SPEM3: variants seen among roughly 807,000 people sequenced by gnomAD.
SPEM3 encodes the protein SPEM family member 3.
rs142791746 is a variant in SPEM3 at position 7,431,648 on chromosome 17, A to T, written c.2477A>T (p.Gln826Leu). The change falls in exon 3 of 3, where the codon CAA becomes CTA. Residue 826 changes from glutamine (Q) to leucine (L), a missense_variant. Physicochemically the swap from Gln to Leu is moderately radical, Grantham distance 113. Transcript: ENST00000636696. ...TVIYKNQDLS[Q>L]ATDHQKNLGS... Reference sequence around the variant, plus strand: ...ATCTACAAAAATCAAGATCTCTCCCAAGCAACTGACCACCAAAAGAACCTA... The same window carrying T: ...ATCTACAAAAATCAAGATCTCTCCCTAGCAACTGACCACCAAAAGAACCTA... 1 of 398,594 alleles carries T rather than the reference A, an allele frequency of 2.5e-6. No individual in the cohort carries two copies. Among genetic ancestry groups the T allele is most frequent in the Non-Finnish European group, 4.4e-6 (1 of 226,050 alleles). The allele number at this position is 398,594 out of a possible 1,614,324, so 24.7% of individuals were successfully genotyped here.
Position 7,429,738 on chromosome 17 carries a change from GC to G in SPEM3, c.571del (p.Gln191LysfsTer174). 1 of 399,308 alleles carries G rather than the reference GC, an allele frequency of 2.5e-6. No individual in the cohort carries two copies. The highest frequency in any genetic ancestry group is 4.4e-6 in the Non-Finnish European group (1 of 226,646). The allele number at this position is 399,308 out of a possible 1,614,324, so 24.7% of individuals were successfully genotyped here. ...AGTTGGACACGGGTCCATGCCACCTGCCCCAAGAGAGCAAGACTAAGACCCC... is the reference window on the plus strand; with the variant it reads ...AGTTGGACACGGGTCCATGCCACCTGCCCAAGAGAGCAAGACTAAGACCCC... ...SKLDTGPCHL[P>X]QESKTKTPDC... On this transcript the variant is annotated frameshift_variant, in exon 3 of 3. Coordinates refer to ENST00000636696, the MANE Select transcript of SPEM3 (RefSeq NM_001364708.1). LOFTEE classifies it low-confidence loss of function (END_TRUNC). The surrounding 1 kb of genome is among the most constrained non-coding windows in gnomAD (Gnocchi z 4.9).
Position 7,431,620 on chromosome 17 carries a change from G to GT in SPEM3, c.2450dup (p.Ile818AspfsTer12), listed in dbSNP as rs1907835309. ...GAATCTTGAACCAAACCAAGAGACT[G>GT]TGATCTACAAAAATCAAGATCTCTC... On this transcript the variant is annotated frameshift_variant, in exon 3 of 3. Coordinates refer to ENST00000636696, the MANE Select transcript of SPEM3 (RefSeq NM_001364708.1). LOFTEE classifies it low-confidence loss of function (END_TRUNC). The GT allele has an allele frequency of 2.5e-6, 1 of 398,554 alleles. No homozygotes were observed. The highest frequency in any genetic ancestry group is 4.4e-6 in the Non-Finnish European group (1 of 226,072). 24.7% of individuals were successfully genotyped at this position (398,554 alleles called of 1,614,324 possible).
Position 7,430,521 on chromosome 17 carries a change from C to T in SPEM3, c.1350C>T (p.Val450=). ...FSHDLSTGHV[V]YDARREKQNF... is the part of the protein sequence containing the mutation. ...ATGACCTCTCCACTGGCCATGTGGTCTATGATGCCCGCAGGGAAAAGCAGA... is the reference window on the plus strand; with the variant it reads ...ATGACCTCTCCACTGGCCATGTGGTTTATGATGCCCGCAGGGAAAAGCAGA... Residue 450 remains valine, a synonymous_variant, in exon 3 of 3, where the codon GTC becomes GTT. Transcript: ENST00000636696. 1 of 399,030 alleles carries T rather than the reference C, an allele frequency of 2.5e-6. No homozygotes were observed. The allele number at this position is 399,030 out of a possible 1,614,324, so 24.7% of individuals were successfully genotyped here. A position where few individuals can be genotyped will look rare whatever the true frequency, so the allele number is the denominator to read the frequency against.
In SPEM3 at chr17:7,432,648, G is replaced by C. The variant is rs73233967; in HGVS notation, c.3477G>C (p.Gln1159His). ...GGCATGTGGTTTTTGATGCCCGTCAGAGACGGTTGGCAGTGGGCAAGGACA... is the reference window on the plus strand; with the variant it reads ...GGCATGTGGTTTTTGATGCCCGTCACAGACGGTTGGCAGTGGGCAAGGACA... ...QAGHVVFDAR[Q>H]RRLAVGKDKC... Residue 1159 changes from glutamine to histidine, a missense_variant, in exon 3 of 3, where the codon CAG (glutamine) becomes CAC (histidine). By Grantham distance (24) the Gln-to-His change is conservative (BLOSUM62 0). Transcript: ENST00000636696. This position sits in a 1 kb window ranked among gnomAD's most constrained non-coding sequence, Gnocchi z 4.1. 7.6e-3 allele frequency: 3,010 copies of C among 398,664 alleles called. 76 individuals are homozygous for C. The highest frequency in any genetic ancestry group is 0.056 in the African/African-American group (2,737 of 48,738). 24.7% of individuals were successfully genotyped at this position (398,664 alleles called of 1,614,324 possible). A position where few individuals can be genotyped will look rare whatever the true frequency, so the allele number is the denominator to read the frequency against.
At position 7,431,519 on chromosome 17, in the gene SPEM3, A is replaced by G. The variant is rs1011363813; in HGVS notation, c.2348A>G (p.His783Arg). 1 of 398,576 alleles carries G rather than the reference A, an allele frequency of 2.5e-6. No homozygotes were observed. The highest frequency in any genetic ancestry group is 4.4e-6 in the Non-Finnish European group (1 of 226,058). The allele number at this position is 398,576 out of a possible 1,614,324, so 24.7% of individuals were successfully genotyped here. The change falls in exon 3 of 3, where the codon CAC becomes CGC. Residue 783 changes from histidine to arginine, a missense_variant. Coordinates refer to ENST00000636696, the MANE Select transcript of SPEM3 (RefSeq NM_001364708.1). Reference protein sequence around the residue: ...SPCLTQSPGLHKKTPFTQTSD... With the variant: ...SPCLTQSPGLRKKTPFTQTSD... ...TGTCTCACCCAATCCCCTGGCCTCC[A>G]CAAGAAAACACCATTTACCCAAACT...
rs1907859904 is a variant in SPEM3, at chr17:7,432,397, A to T, written c.3226A>T (p.Asn1076Tyr). ...VLWARVQLNE[N>Y]SCPSKAQVVS... ...CTGGGCTCGTGTCCAACTCAATGAG[A>T]ACTCCTGCCCTTCCAAGGCCCAAGT... Residue 1076 changes from asparagine (N) to tyrosine (Y), a missense_variant, in exon 3 of 3, where the codon AAC becomes TAC. Transcript: ENST00000636696. This position sits in a 1 kb window ranked among gnomAD's most constrained non-coding sequence, Gnocchi z 4.1. 1 of 398,510 alleles carries T rather than the reference A, an allele frequency of 2.5e-6. No individual in the cohort carries two copies. The highest frequency in any genetic ancestry group is 4.4e-5 in the Admixed American group (1 of 22,704). The allele number at this position is 398,510 out of a possible 1,614,324, so 24.7% of individuals were successfully genotyped here. A position where few individuals can be genotyped will look rare whatever the true frequency, so the allele number is the denominator to read the frequency against.
Position 7,432,725 on chromosome 17 carries a change from CG to C in SPEM3, c.3558del (p.Lys1187AsnfsTer?). ...CTTCATCAAGAGGCACCCAGCAACT[CG>C]GGGAAACCATCAAGGAGTGGGGATA... ...RRLHQEAPSNSGKPSRSGDIR... is the reference protein window; with the variant it reads ...RRLHQEAPSNXGKPSRSGDIR... On this transcript the variant is annotated frameshift_variant, in exon 3 of 3. Transcript: ENST00000636696. LOFTEE classifies it high-confidence loss of function. The surrounding 1 kb of genome is among the most constrained non-coding windows in gnomAD (Gnocchi z 4.1). The C allele has an allele frequency of 2.5e-6, 1 of 398,606 alleles. No homozygotes were observed. Among genetic ancestry groups the C allele is most frequent in the Non-Finnish European group, 4.4e-6 (1 of 226,084 alleles). The allele number at this position is 398,606 out of a possible 1,614,324, so 24.7% of individuals were successfully genotyped here.
rs548857082 is a variant in SPEM3 at position 7,429,461 on chromosome 17, G to A, written c.290G>A (p.Arg97His). 4.5e-5 allele frequency: 18 copies of A among 398,564 alleles called. No individual in the cohort carries two copies. Among genetic ancestry groups the A allele is most frequent in the African/African-American group, 1.0e-4 (5 of 48,674 alleles). The allele number at this position is 398,564 out of a possible 1,614,324, so 24.7% of individuals were successfully genotyped here. A position where few individuals can be genotyped will look rare whatever the true frequency, so the allele number is the denominator to read the frequency against. ...AAAGTCTCTTCCCGCGTCCATCCTC[G>A]CCCAGGCTTCCTGCTCAGGCGCGTT... ...CSKVSSRVHP[R>H]PGFLLRRVNH... is the part of the protein sequence containing the mutation. The change falls in exon 3 of 3, where the codon CGC (arginine) becomes CAC (histidine). Residue 97 changes from arginine (R) to histidine (H), a missense_variant. By Grantham distance (29) the Arg-to-His change is conservative. Coordinates refer to ENST00000636696, the MANE Select transcript of SPEM3 (RefSeq NM_001364708.1). This position sits in a 1 kb window ranked among gnomAD's most constrained non-coding sequence, Gnocchi z 4.9.
chr17:7,430,623 G>T lies in SPEM3; in HGVS notation c.1452G>T (p.Glu484Asp). The T allele has an allele frequency of 2.5e-6, 1 of 398,734 alleles. No homozygotes were observed. The highest frequency in any genetic ancestry group is 4.4e-6 in the Non-Finnish European group (1 of 226,150). The allele number at this position is 398,734 out of a possible 1,614,324, so 24.7% of individuals were successfully genotyped here. A position where few individuals can be genotyped will look rare whatever the true frequency, so the allele number is the denominator to read the frequency against. Residue 484 changes from glutamate to aspartate, a missense_variant, in exon 3 of 3, where the codon GAG (glutamate) becomes GAT (aspartate). Transcript: ENST00000636696. Reference protein sequence around the residue: ...KDLATLFRPQEGQDLVSSGIS... With the variant: ...KDLATLFRPQDGQDLVSSGIS... The stretch of plus-strand genomic sequence containing the variant: ...TGGCTACCCTCTTCAGGCCCCAAGA[G>T]GGTCAGGACCTGGTGAGTTCTGGCA...
chr17:7,432,737 C>T lies in SPEM3; in HGVS notation c.3566C>T (p.Ser1189Leu), dbSNP rs898619512. 7.5e-6 allele frequency: 3 copies of T among 398,542 alleles called. No homozygotes were observed. The highest frequency in any genetic ancestry group is 6.2e-5 in the African/African-American group (3 of 48,628). The allele number at this position is 398,542 out of a possible 1,614,324, so 24.7% of individuals were successfully genotyped here. Residue 1189 changes from serine (S) to leucine (L), a missense_variant, in exon 3 of 3, where the codon TCA becomes TTA. Transcript: ENST00000636696. The surrounding 1 kb of genome is among the most constrained non-coding windows in gnomAD (Gnocchi z 4.1). ...GCACCCAGCAACTCGGGGAAACCATCAAGGAGTGGGGATATCAGAATGTGA... is the reference window on the plus strand; with the variant it reads ...GCACCCAGCAACTCGGGGAAACCATTAAGGAGTGGGGATATCAGAATGTGA... ...QEAPSNSGKP[S>L]RSGDIRM
chr17:7,431,508 C>G lies in SPEM3; in HGVS notation c.2337C>G (p.Ser779=), dbSNP rs578228291. The G allele has an allele frequency of 2.8e-5, 11 of 398,574 alleles. No individual in the cohort carries two copies. The South Asian group carries it at 1.3e-3, about 46-fold the overall frequency. 24.7% of individuals were successfully genotyped at this position (398,574 alleles called of 1,614,324 possible). A position where few individuals can be genotyped will look rare whatever the true frequency, so the allele number is the denominator to read the frequency against. ...GILRSPCLTQ[S]PGLHKKTPFT... is the part of the protein sequence containing the mutation. Reference sequence around the variant, plus strand: ...TTAGGAGCCCATGTCTCACCCAATCCCCTGGCCTCCACAAGAAAACACCAT... The same window carrying G: ...TTAGGAGCCCATGTCTCACCCAATCGCCTGGCCTCCACAAGAAAACACCAT... Residue 779 remains serine, a synonymous_variant, in exon 3 of 3, where the codon TCC becomes TCG. Transcript: ENST00000636696.
In SPEM3 at chr17:7,431,892, C is replaced by A. The variant is rs1033245623; in HGVS notation, c.2721C>A (p.Gly907=). The part of the protein sequence containing the change: ...VQTSGLPKCS[G]LTQNSGDYKN... ...CCTCTGGCCTCCCAAAGTGCTCAGG[C>A]CTTACCCAAAACTCAGGAGACTACA... Residue 907 remains glycine, a synonymous_variant, in exon 3 of 3, where the codon GGC becomes GGA. Transcript: ENST00000636696. 1.0e-5 allele frequency: 4 copies of A among 398,492 alleles called. No homozygotes were observed. In the South Asian group the frequency reaches 3.8e-4, roughly 38 times the overall value. The allele number at this position is 398,492 out of a possible 1,614,324, so 24.7% of individuals were successfully genotyped here.
At position 7,430,098 on chromosome 17, in the gene SPEM3, G is replaced by C. The variant is rs115125348; in HGVS notation, c.927G>C (p.Pro309=). The part of the protein sequence containing the change: ...HTSAQAQTHS[P]PHTPEYTHSQ... The stretch of plus-strand genomic sequence containing the variant: ...CAGCCCAGGCCCAAACCCACTCTCC[G>C]CCCCACACCCCTGAGTATACTCACT... Residue 309 remains proline, a synonymous_variant, in exon 3 of 3, where the codon CCG becomes CCC. Transcript: ENST00000636696. 2.4e-6 allele frequency: 1 copy of C among 409,548 alleles called. No homozygotes were observed. The highest frequency in any genetic ancestry group is 4.3e-6 in the Non-Finnish European group (1 of 233,652). The allele number at this position is 409,548 out of a possible 1,614,324, so 25.4% of individuals were successfully genotyped here. A position where few individuals can be genotyped will look rare whatever the true frequency, so the allele number is the denominator to read the frequency against.
chr17:7,431,025 C>CA lies in SPEM3; in HGVS notation c.1855dup (p.Thr619AsnfsTer43). 2.5e-6 allele frequency: 1 copy of CA among 398,742 alleles called. No homozygotes were observed. Among genetic ancestry groups the CA allele is most frequent in the Non-Finnish European group, 4.4e-6 (1 of 226,152 alleles). The allele number at this position is 398,742 out of a possible 1,614,324, so 24.7% of individuals were successfully genotyped here. On this transcript the variant is annotated frameshift_variant, in exon 3 of 3. Coordinates refer to ENST00000636696, the MANE Select transcript of SPEM3 (RefSeq NM_001364708.1). LOFTEE classifies it low-confidence loss of function (END_TRUNC). ...AACCCACCAACCATCAGAGGCCTTC[C>CA]ACCTTAATACAAACCCCTACTGTTC...
Position 7,432,380 on chromosome 17 carries a change from G to A in SPEM3, c.3209G>A (p.Arg1070His), listed in dbSNP as rs374657443. 3.3e-5 allele frequency: 13 copies of A among 398,702 alleles called. No individual in the cohort carries two copies. The highest frequency in any genetic ancestry group is 2.2e-5 in the Non-Finnish European group (5 of 226,086). The allele number at this position is 398,702 out of a possible 1,614,324, so 24.7% of individuals were successfully genotyped here. A position where few individuals can be genotyped will look rare whatever the true frequency, so the allele number is the denominator to read the frequency against. ...EDAQRHVLWA[R>H]VQLNENSCPS... ...GCACAGCGGCACGTCCTCTGGGCTC[G>A]TGTCCAACTCAATGAGAACTCCTGC... The change falls in exon 3 of 3, where the codon CGT (arginine) becomes CAT (histidine). Residue 1070 changes from arginine (R) to histidine (H), a missense_variant. Physicochemically the swap from Arg to His is conservative, Grantham distance 29. Coordinates refer to ENST00000636696, the MANE Select transcript of SPEM3 (RefSeq NM_001364708.1). The surrounding 1 kb of genome is among the most constrained non-coding windows in gnomAD (Gnocchi z 4.1).
In SPEM3 at chr17:7,429,624, G is replaced by A. The variant is rs914478686; in HGVS notation, c.453G>A (p.Gly151=). 1.0e-5 allele frequency: 4 copies of A among 398,696 alleles called. No homozygotes were observed. The highest frequency in any genetic ancestry group is 4.4e-5 in the Admixed American group (1 of 22,710). The allele number at this position is 398,696 out of a possible 1,614,324, so 24.7% of individuals were successfully genotyped here. ...TGTACAAGGCGGGGATGATGGGCGGGGGAGAAGCCCCTCAGGTCACAGCCT... is the reference window on the plus strand; with the variant it reads ...TGTACAAGGCGGGGATGATGGGCGGAGGAGAAGCCCCTCAGGTCACAGCCT... ...RGLYKAGMMG[G]GEAPQVTASK... is the part of the protein sequence containing the mutation. The change falls in exon 3 of 3, where the codon GGG becomes GGA. Residue 151 remains glycine (G), a synonymous_variant. Coordinates refer to ENST00000636696, the MANE Select transcript of SPEM3 (RefSeq NM_001364708.1). The surrounding 1 kb of genome is among the most constrained non-coding windows in gnomAD (Gnocchi z 4.9).
rs180952210 is a variant in SPEM3, at chr17:7,431,742, C to T, written c.2571C>T (p.Thr857=). The change falls in exon 3 of 3, where the codon ACC becomes ACT. Residue 857 remains threonine, a synonymous_variant. Transcript: ENST00000636696. ...TCCAAGATCCAGGAGTCTGTAGTAC[C>T]GCAGGCCTTACTGAAGATTCTGGAT... ...GNVQDPGVCS[T]AGLTEDSGSQ... 94 of 398,584 alleles carry T rather than the reference C, an allele frequency of 2.4e-4. No individual in the cohort carries two copies. In the East Asian group the frequency reaches 2.5e-3, roughly 11 times the overall value. 24.7% of individuals were successfully genotyped at this position (398,584 alleles called of 1,614,324 possible). A position where few individuals can be genotyped will look rare whatever the true frequency, so the allele number is the denominator to read the frequency against.
At position 7,430,599 on chromosome 17, in the gene SPEM3, G is replaced by A; in HGVS notation, c.1428G>A (p.Leu476=). ...ACCCTGAGTATTCAAGAAAAGACTT[G>A]GCTACCCTCTTCAGGCCCCAAGAGG... ...PQNPEYSRKD[L]ATLFRPQEGQ... The change falls in exon 3 of 3, where the codon TTG becomes TTA. Residue 476 remains leucine, a synonymous_variant. Coordinates refer to ENST00000636696, the MANE Select transcript of SPEM3 (RefSeq NM_001364708.1). 1 of 398,770 alleles carries A rather than the reference G, an allele frequency of 2.5e-6. No homozygotes were observed. The highest frequency in any genetic ancestry group is 3.6e-5 in the East Asian group (1 of 28,082). The allele number at this position is 398,770 out of a possible 1,614,324, so 24.7% of individuals were successfully genotyped here.
In SPEM3 at chr17:7,432,265, G is replaced by A. The variant is rs1443994558; in HGVS notation, c.3094G>A (p.Val1032Ile). The change falls in exon 3 of 3, where the codon GTC (valine) becomes ATC (isoleucine). Residue 1032 changes from valine (V) to isoleucine (I), a missense_variant. Coordinates refer to ENST00000636696, the MANE Select transcript of SPEM3 (RefSeq NM_001364708.1). The surrounding 1 kb of genome is among the most constrained non-coding windows in gnomAD (Gnocchi z 4.1). ...NPSPALGSDF[V>I]QLLSLLQTPK... ...AAGCCCTGCCCTAGGTTCTGATTTT[G>A]TCCAGCTTTTGTCCCTGCTTCAGAC... The A allele has an allele frequency of 2.5e-6, 1 of 398,624 alleles. No individual in the cohort carries two copies. Among genetic ancestry groups the A allele is most frequent in the Non-Finnish European group, 4.4e-6 (1 of 226,176 alleles). The allele number at this position is 398,624 out of a possible 1,614,324, so 24.7% of individuals were successfully genotyped here. A position where few individuals can be genotyped will look rare whatever the true frequency, so the allele number is the denominator to read the frequency against.
Sources: allele counts gnomAD v4.1 joint callset, GRCh38; gene constraint gnomAD v4.1.1; non-coding constraint Gnocchi (gnomAD v3.1); transcripts MANE v1.5; gene names NCBI Gene and HGNC (gene_info 2026-07-23, HGNC 2026-07-21).